FBXO15: variants seen among roughly 807,000 people sequenced by gnomAD.
FBXO15 encodes F-box protein 15, also known as F-box only protein 15.
A neutral mutation model predicts 49.5 loss-of-function variants in FBXO15; 30 were observed. That is an observed-to-expected ratio of 0.61 (90% CI 0.45 to 0.82). The LOEUF is 0.82. FBXO15 is among the 40% of genes least tolerant of loss of function. The pLI is 0.00. For synonymous variants in FBXO15, 250 were observed against 232.7 expected, an observed-to-expected ratio of 1.07 and a Z score of -0.68; for missense variants, 591 against 631.5, an observed-to-expected ratio of 0.94 and a Z score of 0.69.
chr18:74,129,377 C>T (rs750140007), intron 5 of FBXO15, 28 bp downstream of exon 5: 45 of 1,587,378 alleles, frequency 2.8e-5, no homozygotes, highest in Non-Finnish European at 3.8e-5. Context: ...GATGCTCTCA[C>T]TCAACAGTTC....
At chr18:74,083,844 A>G (rs1369518644) in intron 8 of FBXO15, among the ~76,000 whole-genome samples, 1 of 152,228 alleles carries the variant, frequency 6.6e-6, no homozygotes, top group African/African-American at 2.4e-5. Context: ...GTGTATATAA[A>G]ATAGGTGTAT....
chr18:74,105,640 G>A (rs539338129), intron 8 of FBXO15, among the ~76,000 whole-genome samples: 3 of 151,940 alleles, frequency 2.0e-5, no homozygotes, highest in African/African-American at 7.2e-5. Context: ...GAGAGGTAGG[G>A]TTTCAGCATG....
At chr18:74,115,251 A>AT in intron 8 of FBXO15, among the ~76,000 whole-genome samples, 1 of 152,272 alleles carries the variant, frequency 6.6e-6, no homozygotes, top group East Asian at 1.9e-4. Flanking sequence ...GAGCTGGGAG[A>AT]TGTTGCTGGT....
At chr18:74,137,570 G>T (rs182013034) in intron 2 of FBXO15, among the ~76,000 whole-genome samples, 1 of 152,316 alleles carries the variant, frequency 6.6e-6, no homozygotes, top group South Asian at 2.1e-4. Flanking sequence ...AGCAAAAGGA[G>T]AAAATCTCTA....
At chr18:74,145,891 C>T (rs771331414) in intron 1 of FBXO15, among the ~76,000 whole-genome samples, 3 of 152,218 alleles carry the variant, frequency 2.0e-5, no homozygotes, top group Non-Finnish European at 2.9e-5. Context: ...AGCCACTGCA[C>T]CCGGCCCCAA....
rs150985467 is a variant in FBXO15 at position 74,086,034 on chromosome 18, T to C, written c.1139-3983A>G. 6.5e-4 allele frequency among the ~76,000 whole-genome samples: 99 copies of C among 152,308 alleles called. 2 individuals are homozygous for C. The East Asian group carries it at 0.017, about 27-fold the overall frequency. On this transcript the variant is annotated intron_variant, in intron 8 of 9. Transcript: ENST00000419743. Reference sequence around the variant, plus strand: ...CTAACAAGTACTAATAAATATGCTATAATGAATTATCTGCTTTGACTTTTC... The same window carrying C: ...CTAACAAGTACTAATAAATATGCTACAATGAATTATCTGCTTTGACTTTTC...
At chr18:74,085,963 C>G (rs534986220) in intron 8 of FBXO15, among the ~76,000 whole-genome samples, 1 of 152,226 alleles carries the variant, frequency 6.6e-6, no homozygotes, top group South Asian at 2.1e-4. Flanking sequence ...TAATTTGTAA[C>G]ACTTTCATAA....
intron 8 of FBXO15, chr18:74,097,031 T>G (rs1018959132): frequency 4.6e-5 from 7 of 152,304 alleles, no homozygotes; most frequent in African/African-American, 1.4e-4. Flanking sequence ...TGAGTCAGTT[T>G]AGAGAGCCGA....
intron 8 of FBXO15, among the ~76,000 whole-genome samples, chr18:74,094,538 T>C (rs1027905930): frequency 2.6e-5 from 4 of 152,194 alleles, no homozygotes; most frequent in African/African-American, 9.7e-5. Context: ...TATTTCTTTT[T>C]AGCAATGTGA....
At chr18:74,104,463 T>C (rs1418214685) in intron 8 of FBXO15, among the ~76,000 whole-genome samples, 2 of 152,130 alleles carry the variant, frequency 1.3e-5, no homozygotes, top group Non-Finnish European at 2.9e-5. Flanking sequence ...ATTGACTCAA[T>C]TCTCCAATTA....
At chr18:74,101,933 T>A (rs752600473) in intron 8 of FBXO15, among the ~76,000 whole-genome samples, 3 of 152,038 alleles carry the variant, frequency 2.0e-5, no homozygotes, top group Non-Finnish European at 2.9e-5. Flanking sequence ...TGAAATGGGA[T>A]CCTCATCTCC....
chr18:74,110,180 TAC>T (rs775167994), intron 8 of FBXO15, among the ~76,000 whole-genome samples: 11,184 of 116,882 alleles, frequency 0.096, 1,484 homozygotes, highest in African/African-American at 0.32. Flanking sequence ...TATATATATA[TAC>T]ACATATGTGT....
At chr18:74,142,210 C>T (rs1291049779) in intron 1 of FBXO15, among the ~76,000 whole-genome samples, 1 of 152,164 alleles carries the variant, frequency 6.6e-6, no homozygotes, top group African/African-American at 2.4e-5. Flanking sequence ...GGAGAAAGGA[C>T]AGGAAGAAAT....
chr18:74,088,456 GA>G (rs1286434050), intron 8 of FBXO15, among the ~76,000 whole-genome samples: 1 of 152,154 alleles, frequency 6.6e-6, no homozygotes, highest in Non-Finnish European at 1.5e-5. Flanking sequence ...TATTGAATAG[GA>G]AGTCCTTTCC....
chr18:74,129,448 T>C lies in FBXO15; in HGVS notation c.742A>G (p.Thr248Ala), dbSNP rs759815767. Residue 248 changes from threonine (T) to alanine (A), a missense_variant, in exon 5 of 10, where the codon ACA becomes GCA. Coordinates refer to ENST00000419743, the MANE Select transcript of FBXO15 (RefSeq NM_001142958.2). ...SLSTLDLCGMTPVFTDWYKTP... is the reference protein window; with the variant it reads ...SLSTLDLCGMAPVFTDWYKTP... ...TTATACCAGTCGGTAAAAACTGGTG[T>C]CATGCCACATAAATCTAAGGTTGAC... 5 of 1,614,018 alleles carry C rather than the reference T, an allele frequency of 3.1e-6. No individual in the cohort carries two copies. In the South Asian group the frequency reaches 4.4e-5, roughly 14 times the overall value.
At chr18:74,102,199 C>G (rs1455660596) in intron 8 of FBXO15, among the ~76,000 whole-genome samples, 3 of 152,044 alleles carry the variant, frequency 2.0e-5, no homozygotes, top group African/African-American at 7.2e-5. Flanking sequence ...AAAATCTTCA[C>G]CATCTATACA....
At chr18:74,115,507 G>C (rs763883049) in intron 8 of FBXO15, among the ~76,000 whole-genome samples, 22 of 152,174 alleles carry the variant, frequency 1.4e-4, no homozygotes, top group Non-Finnish European at 2.8e-4. Context: ...CCAAGAGGTG[G>C]ATGACATCAA....
chr18:74,132,725 A>G (rs1978471603), intron 3 of FBXO15, among the ~76,000 whole-genome samples: 1 of 152,222 alleles, frequency 6.6e-6, no homozygotes, highest in South Asian at 2.1e-4. Context: ...TATTTATCCA[A>G]CAGAACTACC....
chr18:74,116,925 A>G (rs781498716), intron 8 of FBXO15, among the ~76,000 whole-genome samples: 6 of 152,068 alleles, frequency 3.9e-5, no homozygotes, highest in Non-Finnish European at 7.4e-5. Context: ...CTCTCGGAGG[A>G]TGAAGAGAGC....
Sources: gnomAD v4.1 joint callset for allele counts (sites outside exome capture counted in the v4.1 genomes callset) on GRCh38, gnomAD v4.1.1 for gene constraint, MANE v1.5 for transcripts, NCBI Gene and HGNC (gene_info 2026-07-23, HGNC 2026-07-21) for gene names.